EXOC6B: variants seen among roughly 807,000 people sequenced by gnomAD.
The protein encoded by EXOC6B is SEC15 homolog B.
In EXOC6B, 54 loss-of-function variants were observed where a neutral mutation model predicts 113.5. That is an observed-to-expected ratio of 0.48 (90% confidence interval 0.38 to 0.60). The LOEUF (loss-of-function observed/expected upper bound fraction) is 0.60. Ranked by LOEUF, EXOC6B falls within the 20% of genes least tolerant of loss-of-function variation. The pLI is 0.00. For synonymous variants in EXOC6B, 357 were observed against 339.0 expected, an observed-to-expected ratio of 1.05 and a Z score of -0.58; for missense variants, 797 against 977.5, an observed-to-expected ratio of 0.82 and a Z score of 2.46.
In EXOC6B at chr2:72,719,479, A is replaced by G. The variant is rs575232100; in HGVS notation, c.465-1172T>C. ...CTATGCATACCTGCAGGCGACACCT[A>G]AAAGGGTCTAAGCAATCCACTCATC... On this transcript the variant is annotated intron_variant, in intron 5 of 21. Coordinates refer to ENST00000272427, the MANE Select transcript of EXOC6B (RefSeq NM_015189.3). 2.6e-5 allele frequency among the ~76,000 whole-genome samples: 4 copies of G among 152,302 alleles called. No individual in the cohort carries two copies. In the East Asian group the frequency reaches 7.7e-4, roughly 29 times the overall value.
intron 6 of EXOC6B, among the ~76,000 whole-genome samples, chr2:72,708,369 A>G (rs149523131): frequency 0.011 from 1,658 of 152,358 alleles, 47 homozygotes; most frequent in African/African-American, 0.039. Context: ...AAGCTGATGG[A>G]AACCTTAATT....
Position 72,825,647 on chromosome 2 carries a change from G to T in EXOC6B, c.113+151C>A. 1.0e-6 allele frequency: 1 copy of T among 994,334 alleles called. No individual in the cohort carries two copies. The highest frequency in any genetic ancestry group is 1.4e-6 in the Non-Finnish European group (1 of 732,258). 61.6% of individuals were successfully genotyped at this position (994,334 alleles called of 1,614,324 possible). On this transcript the variant is annotated intron_variant, in intron 1 of 21. Transcript: ENST00000272427. This position sits in a 1 kb window ranked among gnomAD's most constrained non-coding sequence, Gnocchi z 4.4. ...GGAAGGGACCCCGCGTCGGGGCTGC[G>T]AAGGGAGACCCGCCTCGCCCGGTAT...
At chr2:72,789,710 T>TA (rs1559003846) in intron 1 of EXOC6B, among the ~76,000 whole-genome samples, 1 of 152,088 alleles carries the variant, frequency 6.6e-6, no homozygotes, top group East Asian at 1.9e-4. Flanking sequence ...AGCTATATAA[T>TA]AAAAAACCAA....
At chr2:72,660,033 C>T (rs916024885) in intron 6 of EXOC6B, among the ~76,000 whole-genome samples, 1 of 151,916 alleles carries the variant, frequency 6.6e-6, no homozygotes, top group African/African-American at 2.4e-5. Context: ...ACAGCATAAA[C>T]TGGTATGATC....
chr2:72,712,172 T>C (rs971782184), intron 6 of EXOC6B, among the ~76,000 whole-genome samples: 4 of 152,178 alleles, frequency 2.6e-5, no homozygotes, highest in African/African-American at 7.2e-5. Flanking sequence ...AACAAGACTA[T>C]ACAATTGTTT....
chr2:72,218,096 G>T (rs1021070851), intron 20 of EXOC6B, among the ~76,000 whole-genome samples: 1 of 152,182 alleles, frequency 6.6e-6, no homozygotes, highest in Non-Finnish European at 1.5e-5. Flanking sequence ...TAGGGGAGAT[G>T]AAGGGAGGAG....
At chr2:72,813,541 C>A (rs938673998) in intron 1 of EXOC6B, among the ~76,000 whole-genome samples, 11 of 152,120 alleles carry the variant, frequency 7.2e-5, no homozygotes, top group Non-Finnish European at 1.5e-4. Flanking sequence ...CATTGTATAC[C>A]TCTTCCTTAC....
Position 72,304,592 on chromosome 2 carries a change from C to A in EXOC6B, c.2196+30355G>T, listed in dbSNP as rs773922183. Among the ~76,000 whole-genome samples the A allele has an allele frequency of 5.9e-5, 9 of 152,072 alleles. No homozygotes were observed. The South Asian group carries it at 1.0e-3, about 18-fold the overall frequency. On this transcript the variant is annotated intron_variant, in intron 20 of 21. Transcript: ENST00000272427. Reference sequence around the variant, plus strand: ...GTATGTTTTCATTTTAAGGGGGATACTTTAAAGTCATTCTAAATGAAACAG... The same window carrying A: ...GTATGTTTTCATTTTAAGGGGGATAATTTAAAGTCATTCTAAATGAAACAG...
intron 6 of EXOC6B, among the ~76,000 whole-genome samples, chr2:72,600,744 A>G (rs1257230588): frequency 6.6e-6 from 1 of 152,118 alleles, no homozygotes; most frequent in African/African-American, 2.4e-5. Flanking sequence ...AAAATATAAA[A>G]CTTCTGGACA....
At chr2:72,391,272 T>C (rs1236353955) in intron 18 of EXOC6B, among the ~76,000 whole-genome samples, 1 of 151,940 alleles carries the variant, frequency 6.6e-6, no homozygotes, top group Non-Finnish European at 1.5e-5. Flanking sequence ...CTGTGGCCGG[T>C]AGTGGCTACC....
intron 12 of EXOC6B, among the ~76,000 whole-genome samples, chr2:72,499,693 AT>A (rs1328276543): frequency 6.6e-6 from 1 of 151,858 alleles, no homozygotes; most frequent in Non-Finnish European, 1.5e-5. Context: ...GCTACTGGTG[AT>A]TTTTTATGTT....
At position 72,495,676 on chromosome 2, in the gene EXOC6B, A is replaced by G. The variant is rs572377880; in HGVS notation, c.1444-137T>C. 6.7e-6 allele frequency: 4 copies of G among 601,406 alleles called. No homozygotes were observed. In the South Asian group the frequency reaches 8.3e-5, roughly 12 times the overall value. The allele number at this position is 601,406 out of a possible 1,614,324, so 37.3% of individuals were successfully genotyped here. On this transcript the variant is annotated intron_variant, in intron 14 of 21. Transcript: ENST00000272427. ...TTAACAAACTCAAATATAAGAAAAT[A>G]TCTCCCAAAGTTTTCTGATATTAAA...
intron 6 of EXOC6B, among the ~76,000 whole-genome samples, chr2:72,596,829 C>G (rs1670104209): frequency 6.6e-6 from 1 of 151,536 alleles, no homozygotes. Context: ...AAAACAAGGA[C>G]ACAAGAGGAA....
chr2:72,758,750 A>G (rs1400411131), intron 1 of EXOC6B, among the ~76,000 whole-genome samples: 2 of 152,214 alleles, frequency 1.3e-5, no homozygotes, highest in African/African-American at 4.8e-5. Flanking sequence ...TCTCTAGTAA[A>G]AAGAAGTTCA....
At chr2:72,361,879 A>G (rs1199764931) in intron 19 of EXOC6B, among the ~76,000 whole-genome samples, 1 of 152,198 alleles carries the variant, frequency 6.6e-6, no homozygotes, top group Non-Finnish European at 1.5e-5. Flanking sequence ...GACAAAATAA[A>G]TTCTCCAGGG....
intron 6 of EXOC6B, among the ~76,000 whole-genome samples, chr2:72,645,093 T>C (rs1343531374): frequency 2.0e-5 from 3 of 151,842 alleles, no homozygotes; most frequent in African/African-American, 7.3e-5. Context: ...TGGAGAAAGA[T>C]TTACCAAGCA....
intron 19 of EXOC6B, among the ~76,000 whole-genome samples, chr2:72,340,435 T>C (rs1243852118): frequency 6.6e-6 from 1 of 152,164 alleles, no homozygotes. Context: ...CTGGCAAGTA[T>C]GTAAAATAGC....
Position 72,496,524 on chromosome 2 carries a change from G to A in EXOC6B, c.1373C>T (p.Pro458Leu). 1 of 1,598,024 alleles carries A rather than the reference G, an allele frequency of 6.3e-7. No individual in the cohort carries two copies. The highest frequency in any genetic ancestry group is 1.1e-5 in the South Asian group (1 of 88,618). Reference protein sequence around the residue: ...ILDSDNYSPIPVTSEEMYKKV... With the variant: ...ILDSDNYSPILVTSEEMYKKV... ...TTTGTACATCTCTTCACTTGTTACT[G>A]GTATAGGACTGTAGTTGTCAGAATC... The change falls in exon 14 of 22, where the codon CCA becomes CTA. Residue 458 changes from proline (P) to leucine (L), a missense_variant. Physicochemically the swap from Pro to Leu is moderately conservative, Grantham distance 98 (BLOSUM62 -3). Transcript: ENST00000272427.
Position 72,418,709 on chromosome 2 carries a change from A to C in EXOC6B, c.1981-38839T>G, listed in dbSNP as rs572505135. Among the ~76,000 whole-genome samples the C allele has an allele frequency of 7.2e-5, 11 of 152,282 alleles. No individual in the cohort carries two copies. In the East Asian group the frequency reaches 1.9e-3, roughly 27 times the overall value. ...AACCTGTTTGTGTCTTTAGATCTAA[A>C]GTGAATTTCTTATAGATAGCCCATA... On this transcript the variant is annotated intron_variant, in intron 18 of 21. Coordinates refer to ENST00000272427, the MANE Select transcript of EXOC6B (RefSeq NM_015189.3).
Sources: gnomAD v4.1 joint callset for allele counts (sites outside exome capture counted in the v4.1 genomes callset) on GRCh38, gnomAD v4.1.1 for gene constraint, Gnocchi (gnomAD v3.1) non-coding constraint, MANE v1.5 for transcripts, NCBI Gene and HGNC (gene_info 2026-07-23, HGNC 2026-07-21) for gene names.